SREK1IP1: variants seen among roughly 807,000 people sequenced by gnomAD.
SREK1IP1 encodes protein SREK1IP1.
A neutral mutation model predicts 22.8 loss-of-function variants in SREK1IP1; 12 were observed. The ratio of observed to expected loss-of-function variants is 0.53; its 90% CI spans 0.34 to 0.85. The LOEUF (loss-of-function observed/expected upper bound fraction) is 0.85, where lower values mean the gene tolerates loss of function less well. Among genes scored for constraint, SREK1IP1 ranks in the 40% least tolerant of loss-of-function variants. The pLI, the probability that SREK1IP1 is intolerant of heterozygous loss-of-function variation, is 0.02. For synonymous variants in SREK1IP1, 53 were observed against 52.7 expected, an observed-to-expected ratio of 1.01 and a Z score of -0.02; for missense variants, 147 against 171.8, an observed-to-expected ratio of 0.86 and a Z score of 0.81.
intron 1 of SREK1IP1, chr5:64,754,752 C>T (rs1412939387): frequency 6.2e-6 from 1 of 160,444 alleles, no homozygotes; most frequent in African/African-American, 2.4e-5. Context: ...AGAGCCACCG[C>T]ACCCAGTAGA....
At chr5:64,736,207 A>G (rs1018908317) in intron 3 of SREK1IP1, among the ~76,000 whole-genome samples, 1 of 150,712 alleles carries the variant, frequency 6.6e-6, no homozygotes, top group Non-Finnish European at 1.5e-5. Context: ...TGATAGGTAC[A>G]CTTAAAAAAA....
rs538007284 is a variant in SREK1IP1 at position 64,720,270 on chromosome 5, C to T, written c.*4114G>A. On this transcript the variant is annotated 3_prime_UTR_variant, in exon 5 of 5. Coordinates refer to ENST00000513458, the MANE Select transcript of SREK1IP1 (RefSeq NM_173829.4). ...TGTACATATAACTCTGGGGATGGAT[C>T]TAATAAAGAATACAGTAGCTTTATG... The T allele has an allele frequency of 6.6e-6, 1 of 152,176 alleles. No individual in the cohort carries two copies. The highest frequency in any genetic ancestry group is 2.1e-4 in the South Asian group (1 of 4,810). 9.4% of individuals were successfully genotyped at this position (152,176 alleles called of 1,614,324 possible). A position where few individuals can be genotyped will look rare whatever the true frequency, so the allele number is the denominator to read the frequency against.
intron 1 of SREK1IP1, among the ~76,000 whole-genome samples, chr5:64,756,251 T>C (rs74704560): frequency 0.067 from 10,160 of 152,184 alleles, 1,107 homozygotes; most frequent in African/African-American, 0.23. Context: ...ACAACCATCA[T>C]CACTATTCAT....
Position 64,754,341 on chromosome 5 carries a change from C to T in SREK1IP1, c.35G>A (p.Arg12Lys). 1 of 1,613,940 alleles carries T rather than the reference C, an allele frequency of 6.2e-7. No homozygotes were observed. Among genetic ancestry groups the T allele is most frequent in the South Asian group, 1.1e-5 (1 of 91,064 alleles). Residue 12 changes from arginine to lysine, a missense_variant, in exon 2 of 5, where the codon AGA becomes AAA. By Grantham distance (26) the Arg-to-Lys change is conservative. Around this residue, in one of 3 missense-constraint regions of SREK1IP1, gnomAD observed 62 missense variants for 73.3 expected, o/e 0.85. Coordinates refer to ENST00000513458, the MANE Select transcript of SREK1IP1 (RefSeq NM_173829.4). Reference protein sequence around the residue: ...AVPGCNKDSVRAGCKKCGYPG... With the variant: ...AVPGCNKDSVKAGCKKCGYPG... ...GTAGCCACATTTTTTACAGCCTGCTCTGACACTGTCCTTGTTGCAACCTGA... is the reference window on the plus strand; with the variant it reads ...GTAGCCACATTTTTTACAGCCTGCTTTGACACTGTCCTTGTTGCAACCTGA...
intron 3 of SREK1IP1, among the ~76,000 whole-genome samples, chr5:64,738,111 G>T (rs1449715722): frequency 6.6e-6 from 1 of 152,072 alleles, no homozygotes; most frequent in Admixed American, 6.6e-5. Context: ...CCAGACAAAG[G>T]TACCTTAAGA....
chr5:64,743,071 G>C (rs931304621), intron 2 of SREK1IP1, among the ~76,000 whole-genome samples: 6 of 152,118 alleles, frequency 3.9e-5, no homozygotes, highest in African/African-American at 1.2e-4. Context: ...TATTTGATGA[G>C]ACTTCTTTTG....
At chr5:64,765,463 C>G (rs1361374964) in intron 1 of SREK1IP1, among the ~76,000 whole-genome samples, 1 of 152,170 alleles carries the variant, frequency 6.6e-6, no homozygotes, top group Non-Finnish European at 1.5e-5. Context: ...AATACTTGTC[C>G]TCCTTGATGA....
At chr5:64,750,032 C>A (rs1162780239) in intron 2 of SREK1IP1, among the ~76,000 whole-genome samples, 1 of 152,060 alleles carries the variant, frequency 6.6e-6, no homozygotes. Flanking sequence ...GGTTAACAGC[C>A]CCATTCATTG....
chr5:64,757,143 C>A lies in SREK1IP1; in HGVS notation c.14-2781G>T, dbSNP rs937741226. Among the ~76,000 whole-genome samples, 3 of 152,328 alleles carry A rather than the reference C, an allele frequency of 2.0e-5. No homozygotes were observed. The South Asian group carries it at 6.2e-4, about 32-fold the overall frequency. On this transcript the variant is annotated intron_variant, in intron 1 of 4. Transcript: ENST00000513458. ...ACATTATTGAGGTGGGGCATCATGG[C>A]GTACGCCTGTAATCCCAGCAGTTTG...
At chr5:64,756,016 G>C (rs1042861282) in intron 1 of SREK1IP1, among the ~76,000 whole-genome samples, 4 of 151,876 alleles carry the variant, frequency 2.6e-5, no homozygotes, top group Admixed American at 2.6e-4. Flanking sequence ...TTTGACAAGA[G>C]AAAACAAACT....
chr5:64,768,476 G>A, intron 1 of SREK1IP1, 29 bp downstream of exon 1: 1 of 1,614,120 alleles, frequency 6.2e-7, no homozygotes, highest in South Asian at 1.1e-5. Flanking sequence ...TCGGAGCTCG[G>A]ACGCAGAGGC....
chr5:64,731,870 G>A (rs1441448858), intron 3 of SREK1IP1, among the ~76,000 whole-genome samples: 2 of 152,186 alleles, frequency 1.3e-5, no homozygotes, highest in East Asian at 1.9e-4. Flanking sequence ...CTTCCTTTCT[G>A]GTTGTGGTGC....
At chr5:64,766,796 C>A (rs1743039196) in intron 1 of SREK1IP1, among the ~76,000 whole-genome samples, 1 of 152,202 alleles carries the variant, frequency 6.6e-6, no homozygotes, top group African/African-American at 2.4e-5. Context: ...CCCTCAGTGT[C>A]CTCATCTGTA....
chr5:64,760,074 A>T (rs1649383456), intron 1 of SREK1IP1, among the ~76,000 whole-genome samples: 1 of 152,248 alleles, frequency 6.6e-6, no homozygotes, highest in Non-Finnish European at 1.5e-5. Flanking sequence ...GACAGAGTAG[A>T]AATAATTTAA....
rs185886715 is a variant in SREK1IP1, at chr5:64,728,013, T to C, written c.278+94A>G. The C allele has an allele frequency of 1.1e-4, 115 of 1,030,736 alleles. 1 individual carries two copies. The African/African-American group carries it at 1.9e-3, about 17-fold the overall frequency. 63.8% of individuals were successfully genotyped at this position (1,030,736 alleles called of 1,614,324 possible). ...AAGCTTAGTTGTTGAAGAAAAAATA[T>C]TAAATTAACTATTATACACAAAAAA... On this transcript the variant is annotated intron_variant, in intron 4 of 4. Transcript: ENST00000513458.
rs76511627 is a variant in SREK1IP1, at chr5:64,760,540, T to C, written c.14-6178A>G. Among the ~76,000 whole-genome samples, 600 of 152,264 alleles carry C rather than the reference T, an allele frequency of 3.9e-3. 9 individuals are homozygous for C. The highest frequency in any genetic ancestry group is 0.03 in the East Asian group (154 of 5,180). On this transcript the variant is annotated intron_variant, in intron 1 of 4. Coordinates refer to ENST00000513458, the MANE Select transcript of SREK1IP1 (RefSeq NM_173829.4). ...GATAGAAAAGCTACATGCAGACTGA[T>C]AGGCCTGCAGCTGCAGAAAGATGTA...
chr5:64,731,842 C>T (rs1172041039), intron 3 of SREK1IP1, among the ~76,000 whole-genome samples: 1 of 152,046 alleles, frequency 6.6e-6, no homozygotes, highest in African/African-American at 2.4e-5. Flanking sequence ...TAATGCCTTC[C>T]AGCTCTCAGT....
intron 3 of SREK1IP1, 26 bp downstream of exon 3, chr5:64,741,031 A>G (rs1339108967): frequency 1.3e-6 from 2 of 1,595,124 alleles, no homozygotes; most frequent in Non-Finnish European, 1.7e-6. Context: ...AAACATTTCT[A>G]AAGAATGGAA....
chr5:64,731,592 C>A (rs548591049), intron 3 of SREK1IP1, among the ~76,000 whole-genome samples: 1 of 148,670 alleles, frequency 6.7e-6, no homozygotes, highest in South Asian at 2.1e-4. Flanking sequence ...AGATATAGGA[C>A]GACAATAAAA....
Sources: gnomAD v4.1 joint callset for allele counts (sites outside exome capture counted in the v4.1 genomes callset) on GRCh38, gnomAD v4.1.1 for gene constraint, gnomAD v4.1.1 regional missense constraint, MANE v1.5 for transcripts, NCBI Gene and HGNC (gene_info 2026-07-23, HGNC 2026-07-21) for gene names.